AMPH: variants seen among roughly 807,000 people sequenced by gnomAD.
The protein encoded by AMPH is amphiphysin (Stiff-Mann syndrome with breast cancer 128kD autoantigen).
AMPH carries 49 observed loss-of-function variants against 99.1 expected under a neutral mutation model. That is an observed-to-expected ratio of 0.49 (90% CI 0.39 to 0.63). AMPH has a LOEUF of 0.63. Ranked by LOEUF, AMPH falls within the 20% of genes least tolerant of loss-of-function variation. The probability of loss-of-function intolerance (pLI) is 0.00; values close to 1 mark genes in which losing one functional copy is unlikely to be tolerated. For synonymous variants in AMPH, 314 were observed against 317.3 expected (o/e 0.99, Z 0.11); for missense variants, 759 against 863.4 (o/e 0.88, Z 1.52).
At chr7:38,397,291 C>T (rs75759624) in intron 17 of AMPH, among the ~76,000 whole-genome samples, 8,840 of 152,266 alleles carry the variant, frequency 0.058, 358 homozygotes, top group East Asian at 0.19. Context: ...GATATCTTTC[C>T]ATGACCTATA....
intron 5 of AMPH, among the ~76,000 whole-genome samples, chr7:38,481,950 T>C (rs188708605): frequency 6.6e-6 from 1 of 152,260 alleles, no homozygotes; most frequent in Admixed American, 6.5e-5. Flanking sequence ...TATAAAGTGA[T>C]GGAGTCTATA....
At chr7:38,418,230 C>T (rs1168621009) in intron 16 of AMPH, among the ~76,000 whole-genome samples, 1 of 152,158 alleles carries the variant, frequency 6.6e-6, no homozygotes. Flanking sequence ...ATTTTACTTA[C>T]TTGCAACATT....
At chr7:38,561,985 T>C (rs1235940614) in intron 1 of AMPH, among the ~76,000 whole-genome samples, 3 of 150,694 alleles carry the variant, frequency 2.0e-5, no homozygotes, top group African/African-American at 7.3e-5. Context: ...TTTTTTGTTA[T>C]GGCAGCCGAG....
At chr7:38,554,724 A>G (rs1364206704) in intron 1 of AMPH, among the ~76,000 whole-genome samples, 2 of 152,262 alleles carry the variant, frequency 1.3e-5, no homozygotes, top group African/African-American at 4.8e-5. Flanking sequence ...CTGAGCTAGC[A>G]GAAAGTCAGG....
chr7:38,450,707 T>A (rs879372905), intron 11 of AMPH, among the ~76,000 whole-genome samples: 14 of 152,156 alleles, frequency 9.2e-5, no homozygotes, highest in Admixed American at 9.2e-4. Context: ...ATTTCACTTA[T>A]GGAAACCCCT....
At chr7:38,387,006 C>T (rs551990816) in intron 20 of AMPH, among the ~76,000 whole-genome samples, 2 of 152,258 alleles carry the variant, frequency 1.3e-5, no homozygotes, top group Non-Finnish European at 2.9e-5. Flanking sequence ...GGTATCCTAA[C>T]GTATGTGGAT....
At chr7:38,540,900 C>G (rs1028896055) in intron 1 of AMPH, among the ~76,000 whole-genome samples, 1 of 150,428 alleles carries the variant, frequency 6.6e-6, no homozygotes, top group African/African-American at 2.4e-5. Context: ...GACAAATTTT[C>G]AACTCTGGGT....
At chr7:38,554,247 C>G (rs1197156276) in intron 1 of AMPH, among the ~76,000 whole-genome samples, 2 of 152,186 alleles carry the variant, frequency 1.3e-5, no homozygotes, top group African/African-American at 4.8e-5. Flanking sequence ...CAGCAGATAA[C>G]CAGGTAAATC....
chr7:38,452,539 C>CATGTGT (rs1172914423), intron 11 of AMPH, among the ~76,000 whole-genome samples: 1 of 152,204 alleles, frequency 6.6e-6, no homozygotes, highest in Non-Finnish European at 1.5e-5. Context: ...TATAAGCACT[C>CATGTGT]ATGTGTATGT....
chr7:38,421,056 A>G (rs1785565073), intron 16 of AMPH: 3 of 456,688 alleles, frequency 6.6e-6, no homozygotes, highest in Non-Finnish European at 1.3e-5. Context: ...AGCATTTGCA[A>G]TGCTGAACAT....
chr7:38,532,936 A>T (rs1448705357), intron 2 of AMPH, among the ~76,000 whole-genome samples: 2 of 152,206 alleles, frequency 1.3e-5, no homozygotes, highest in African/African-American at 4.8e-5. Context: ...CCAGACAGGA[A>T]AACAAGGTTT....
rs1007954058 is a variant in AMPH, at chr7:38,540,640, T to A, written c.70-5629A>T. On this transcript the variant is annotated intron_variant, in intron 1 of 20. Transcript: ENST00000356264. ...TCCACACAGAAATAACTTCTGTTAA[T>A]CAGGGGAAAAGATCAAAGAAAAGTC... 2.5e-5 allele frequency among the ~76,000 whole-genome samples: 3 copies of A among 118,188 alleles called. 1 individual carries two copies. In the Middle Eastern group the frequency reaches 0.017, roughly 672 times the overall value. The allele number at this position is 118,188 out of a possible 152,430, so 77.5% of individuals were successfully genotyped here. A position where few individuals can be genotyped will look rare whatever the true frequency, so the allele number is the denominator to read the frequency against.
chr7:38,465,218 C>A (rs1387392601), intron 9 of AMPH, among the ~76,000 whole-genome samples: 1 of 152,102 alleles, frequency 6.6e-6, no homozygotes, highest in African/African-American at 2.4e-5. Context: ...TATCAGGCCT[C>A]ATGGAAAGCA....
At chr7:38,440,881 A>G (rs6957193) in intron 11 of AMPH, among the ~76,000 whole-genome samples, 77,946 of 151,868 alleles carry the variant, frequency 0.51, 20,258 homozygotes, top group Admixed American at 0.57. Flanking sequence ...AGACAATGGA[A>G]AACAAGTGAT....
chr7:38,627,994 T>G (rs1481377157), intron 1 of AMPH, among the ~76,000 whole-genome samples: 1 of 152,076 alleles, frequency 6.6e-6, no homozygotes, highest in Non-Finnish European at 1.5e-5. Flanking sequence ...CAGATATACA[T>G]AAAACATCAA....
chr7:38,476,249 T>C (rs1274036809), intron 6 of AMPH, among the ~76,000 whole-genome samples: 1 of 152,166 alleles, frequency 6.6e-6, no homozygotes, highest in East Asian at 1.9e-4. Context: ...AAATAAAGTA[T>C]TTTTTGTAGA....
chr7:38,425,825 A>G (rs1490516887), intron 15 of AMPH, among the ~76,000 whole-genome samples: 1 of 152,230 alleles, frequency 6.6e-6, no homozygotes, highest in African/African-American at 2.4e-5. Context: ...ACAGGAAATG[A>G]AGGGAGTGTA....
chr7:38,555,598 C>T (rs1791334770), intron 1 of AMPH, among the ~76,000 whole-genome samples: 1 of 152,068 alleles, frequency 6.6e-6, no homozygotes, highest in African/African-American at 2.4e-5. Context: ...ATAAGGAATG[C>T]TAGGCTTAAT....
intron 1 of AMPH, among the ~76,000 whole-genome samples, chr7:38,578,406 G>C (rs1792324149): frequency 6.6e-6 from 1 of 152,150 alleles, no homozygotes; most frequent in African/African-American, 2.4e-5. Flanking sequence ...TTATGCAAGT[G>C]ATATGTTAGT....
Sources: allele counts gnomAD v4.1 joint callset (sites outside exome capture counted in the v4.1 genomes callset), GRCh38; gene constraint gnomAD v4.1.1; transcripts MANE v1.5; gene names NCBI Gene and HGNC (gene_info 2026-07-23, HGNC 2026-07-21).